Variants in C15orf62 observed in about 807,000 individuals in gnomAD.
C15orf62 encodes uncharacterized protein C15orf62, mitochondrial.
C15orf62 carries 11 observed loss-of-function variants against 13.2 expected under a neutral mutation model. That is an observed-to-expected ratio of 0.83 (90% CI 0.52 to 1.38). C15orf62 has a LOEUF of 1.38. C15orf62 is among the 40% of genes most tolerant of loss of function. The pLI, the probability that C15orf62 is intolerant of heterozygous loss-of-function variation, is 0.00. For synonymous variants in C15orf62, 88 were observed against 95.6 expected, an observed-to-expected ratio of 0.92 and a Z score of 0.46; for missense variants, 204 against 229.1, an observed-to-expected ratio of 0.89 and a Z score of 0.71.
Position 40,771,885 on chromosome 15 carries a change from A to C in C15orf62, c.*862A>C, listed in dbSNP as rs1889151755. On this transcript the variant is annotated 3_prime_UTR_variant, in exon 1 of 1. Coordinates refer to ENST00000344320, the MANE Select transcript of C15orf62 (RefSeq NM_001130448.3). Reference sequence around the variant, plus strand: ...CAGGAAAAAGACCAGGCAAATCCTTAGCAGAAATGAGGACGTGGCTCAGTC... The same window carrying C: ...CAGGAAAAAGACCAGGCAAATCCTTCGCAGAAATGAGGACGTGGCTCAGTC... 6.0e-6 allele frequency: 1 copy of C among 167,126 alleles called. No individual in the cohort carries two copies. The highest frequency in any genetic ancestry group is 1.5e-5 in the Non-Finnish European group (1 of 68,144). The allele number at this position is 167,126 out of a possible 1,614,324, so 10.4% of individuals were successfully genotyped here.
Position 40,770,361 on chromosome 15 carries a change from G to T in C15orf62, c.-135G>T. 1 of 836,284 alleles carries T rather than the reference G, an allele frequency of 1.2e-6. No individual in the cohort carries two copies. The highest frequency in any genetic ancestry group is 1.8e-6 in the Non-Finnish European group (1 of 550,196). 51.8% of individuals were successfully genotyped at this position (836,284 alleles called of 1,614,324 possible). A position where few individuals can be genotyped will look rare whatever the true frequency, so the allele number is the denominator to read the frequency against. On this transcript the variant is annotated 5_prime_UTR_variant, in exon 1 of 1. Coordinates refer to ENST00000344320, the MANE Select transcript of C15orf62 (RefSeq NM_001130448.3). The surrounding 1 kb of genome is among the most constrained non-coding windows in gnomAD (Gnocchi z 5.0). The stretch of plus-strand genomic sequence containing the variant: ...CTCACCATCCAAGATGTGGTCAAAG[G>T]TCTGTGCTGAGTGGAAACCCTGAGG...
chr15:40,770,641 GA>G lies in C15orf62; in HGVS notation c.147del (p.Glu50LysfsTer116). On this transcript the variant is annotated frameshift_variant, in exon 1 of 1. Coordinates refer to ENST00000344320, the MANE Select transcript of C15orf62 (RefSeq NM_001130448.3). LOFTEE classifies it high-confidence loss of function. The surrounding 1 kb of genome is among the most constrained non-coding windows in gnomAD (Gnocchi z 5.0). ...GGGGACCACGAGGAGTACAGCAACC[GA>G]GAAGTCATCCGGGAGCTACAAGGGA... is the stretch of plus-strand genomic sequence containing the variant. ...AGGDHEEYSN[R>X]EVIRELQGRP... 2.6e-6 allele frequency: 4 copies of G among 1,550,300 alleles called. No individual in the cohort carries two copies. Among genetic ancestry groups the G allele is most frequent in the Non-Finnish European group, 3.5e-6 (4 of 1,146,956 alleles).
In C15orf62 at chr15:40,772,309, C is replaced by G. The variant is rs1198770272; in HGVS notation, c.*1286C>G. On this transcript the variant is annotated 3_prime_UTR_variant, in exon 1 of 1. Coordinates refer to ENST00000344320, the MANE Select transcript of C15orf62 (RefSeq NM_001130448.3). ...CATGTGTTGGTGGCCCCCCGGGACT[C>G]GCTAAGAGTAGCAAAGGGGAGAGGG... 6.0e-6 allele frequency: 1 copy of G among 167,130 alleles called. No individual in the cohort carries two copies. The highest frequency in any genetic ancestry group is 1.9e-4 in the East Asian group (1 of 5,190). The allele number at this position is 167,130 out of a possible 1,614,324, so 10.4% of individuals were successfully genotyped here.
chr15:40,771,245 C>T lies in C15orf62; in HGVS notation c.*222C>T. ...CCCAGAGTGGAGGGACAGAGGCAATCTGGAAATGTTGGGGGGGCGGCCCTT... is the reference window on the plus strand; with the variant it reads ...CCCAGAGTGGAGGGACAGAGGCAATTTGGAAATGTTGGGGGGGCGGCCCTT... On this transcript the variant is annotated 3_prime_UTR_variant, in exon 1 of 1. Transcript: ENST00000344320. 1 of 577,254 alleles carries T rather than the reference C, an allele frequency of 1.7e-6. No individual in the cohort carries two copies. The allele number at this position is 577,254 out of a possible 1,614,324, so 35.8% of individuals were successfully genotyped here.
rs897147413 is a variant in C15orf62, at chr15:40,772,302, C to G, written c.*1279C>G. The G allele has an allele frequency of 6.0e-6, 1 of 167,146 alleles. No individual in the cohort carries two copies. The highest frequency in any genetic ancestry group is 2.4e-5 in the African/African-American group (1 of 41,458). 10.4% of individuals were successfully genotyped at this position (167,146 alleles called of 1,614,324 possible). ...GCTGGGCCATGTGTTGGTGGCCCCC[C>G]GGGACTCGCTAAGAGTAGCAAAGGG... On this transcript the variant is annotated 3_prime_UTR_variant, in exon 1 of 1. Transcript: ENST00000344320.
rs1596074228 is a variant in C15orf62, at chr15:40,772,449, A to G, written c.*1426A>G. 1 of 167,148 alleles carries G rather than the reference A, an allele frequency of 6.0e-6. No individual in the cohort carries two copies. The highest frequency in any genetic ancestry group is 6.5e-5 in the Admixed American group (1 of 15,290). The allele number at this position is 167,148 out of a possible 1,614,324, so 10.4% of individuals were successfully genotyped here. On this transcript the variant is annotated 3_prime_UTR_variant, in exon 1 of 1. Transcript: ENST00000344320. Reference sequence around the variant, plus strand: ...AGAGAATGAATAAAATTCTAACACAATCTATGGAGTGTTATCTGGGGCTGT... The same window carrying G: ...AGAGAATGAATAAAATTCTAACACAGTCTATGGAGTGTTATCTGGGGCTGT...
At position 40,771,412 on chromosome 15, in the gene C15orf62, G is replaced by A. The variant is rs1002555256; in HGVS notation, c.*389G>A. On this transcript the variant is annotated 3_prime_UTR_variant, in exon 1 of 1. Coordinates refer to ENST00000344320, the MANE Select transcript of C15orf62 (RefSeq NM_001130448.3). ...CACGGGGTCAGATCAGGGAGTGGGA[G>A]GACACAGACTGAGCAGAAGAGATGA... 1 of 260,792 alleles carries A rather than the reference G, an allele frequency of 3.8e-6. No individual in the cohort carries two copies. Among genetic ancestry groups the A allele is most frequent in the African/African-American group, 2.2e-5 (1 of 44,906 alleles). 16.2% of individuals were successfully genotyped at this position (260,792 alleles called of 1,614,324 possible).
In C15orf62 at chr15:40,770,506, G is replaced by A; in HGVS notation, c.11G>A (p.Trp4Ter). The A allele has an allele frequency of 6.5e-7, 1 of 1,549,548 alleles. No individual in the cohort carries two copies. Among genetic ancestry groups the A allele is most frequent in the Non-Finnish European group, 8.7e-7 (1 of 1,146,558 alleles). ...GCTCCCCTGGGCCCCATGGAGACCT[G>A]GCGGAAAGGCTCCTTCCGCAACGCC... is the stretch of plus-strand genomic sequence containing the variant. MET[W>*]RKGSFRNASF... Residue 4 changes from tryptophan to a stop codon, truncating the protein, a stop_gained, in exon 1 of 1, where the codon TGG becomes TAG. Transcript: ENST00000344320. LOFTEE classifies it high-confidence loss of function. The surrounding 1 kb of genome is among the most constrained non-coding windows in gnomAD (Gnocchi z 5.0).
At position 40,770,096 on chromosome 15, in the gene C15orf62, C is replaced by G; in HGVS notation, c.-400C>G. 1 of 203,106 alleles carries G rather than the reference C, an allele frequency of 4.9e-6. No homozygotes were observed. Among genetic ancestry groups the G allele is most frequent in the Non-Finnish European group, 1.0e-5 (1 of 99,538 alleles). The allele number at this position is 203,106 out of a possible 1,614,324, so 12.6% of individuals were successfully genotyped here. ...AGGGCGAGTGAGCTCGGGCCATCTGCTGCCTGCCTGTGGAAGGAGCGCTCG... is the reference window on the plus strand; with the variant it reads ...AGGGCGAGTGAGCTCGGGCCATCTGGTGCCTGCCTGTGGAAGGAGCGCTCG... On this transcript the variant is annotated 5_prime_UTR_variant, in exon 1 of 1. Transcript: ENST00000344320. The surrounding 1 kb of genome is among the most constrained non-coding windows in gnomAD (Gnocchi z 5.0).
chr15:40,771,145 T>C lies in C15orf62; in HGVS notation c.*122T>C. On this transcript the variant is annotated 3_prime_UTR_variant, in exon 1 of 1. Transcript: ENST00000344320. ...GGTTCAGGCAGGCAGAGCTTCTTCATCCTGGGGGAGGATTCCAGGATAGGA... is the reference window on the plus strand; with the variant it reads ...GGTTCAGGCAGGCAGAGCTTCTTCACCCTGGGGGAGGATTCCAGGATAGGA... 1.1e-6 allele frequency: 1 copy of C among 919,734 alleles called. No homozygotes were observed. The highest frequency in any genetic ancestry group is 1.6e-6 in the Non-Finnish European group (1 of 612,254). 57.0% of individuals were successfully genotyped at this position (919,734 alleles called of 1,614,324 possible). A position where few individuals can be genotyped will look rare whatever the true frequency, so the allele number is the denominator to read the frequency against.
chr15:40,771,178 G>A lies in C15orf62; in HGVS notation c.*155G>A. On this transcript the variant is annotated 3_prime_UTR_variant, in exon 1 of 1. Transcript: ENST00000344320. ...GAGGATTCCAGGATAGGAATCCAGG[G>A]CTCTGCCTGCTCTCTGGGTCCTGGA... 1 of 715,926 alleles carries A rather than the reference G, an allele frequency of 1.4e-6. No individual in the cohort carries two copies. Among genetic ancestry groups the A allele is most frequent in the Non-Finnish European group, 2.3e-6 (1 of 429,036 alleles). The allele number at this position is 715,926 out of a possible 1,614,324, so 44.3% of individuals were successfully genotyped here.
In C15orf62 at chr15:40,771,202, G is replaced by C. The variant is rs1889129958; in HGVS notation, c.*179G>C. 1 of 662,346 alleles carries C rather than the reference G, an allele frequency of 1.5e-6. No homozygotes were observed. Among genetic ancestry groups the C allele is most frequent in the African/African-American group, 1.8e-5 (1 of 54,668 alleles). 41.0% of individuals were successfully genotyped at this position (662,346 alleles called of 1,614,324 possible). On this transcript the variant is annotated 3_prime_UTR_variant, in exon 1 of 1. Transcript: ENST00000344320. Reference sequence around the variant, plus strand: ...GGCTCTGCCTGCTCTCTGGGTCCTGGACAGTCCTTCCAGGCACCCCAGAGT... The same window carrying C: ...GGCTCTGCCTGCTCTCTGGGTCCTGCACAGTCCTTCCAGGCACCCCAGAGT...
Position 40,770,350 on chromosome 15 carries a change from TGTG to T in C15orf62, c.-143_-141del. On this transcript the variant is annotated 5_prime_UTR_variant, in exon 1 of 1. Coordinates refer to ENST00000344320, the MANE Select transcript of C15orf62 (RefSeq NM_001130448.3). This position sits in a 1 kb window ranked among gnomAD's most constrained non-coding sequence, Gnocchi z 5.0. The stretch of plus-strand genomic sequence containing the variant: ...TGAGCCCTCCTCTCACCATCCAAGA[TGTG>T]GTCAAAGGTCTGTGCTGAGTGGAAA... The T allele has an allele frequency of 1.3e-6, 1 of 755,064 alleles. No individual in the cohort carries two copies. The highest frequency in any genetic ancestry group is 1.9e-5 in the South Asian group (1 of 52,142). 46.8% of individuals were successfully genotyped at this position (755,064 alleles called of 1,614,324 possible).
chr15:40,770,929 C>T lies in C15orf62; in HGVS notation c.434C>T (p.Pro145Leu). 2 of 1,551,502 alleles carry T rather than the reference C, an allele frequency of 1.3e-6. No homozygotes were observed. Among genetic ancestry groups the T allele is most frequent in the South Asian group, 2.4e-5 (2 of 84,064 alleles). ...ACACCTACCCCAGACCTCAGTGATC[C>T]CTTCCTCTCCTTCAAAGTGGACCTG... ...QRTPTPDLSDPFLSFKVDLGI... is the reference protein window; with the variant it reads ...QRTPTPDLSDLFLSFKVDLGI... The change falls in exon 1 of 1, where the codon CCC becomes CTC. Residue 145 changes from proline to leucine, a missense_variant. Physicochemically the swap from Pro to Leu is moderately conservative, Grantham distance 98. Coordinates refer to ENST00000344320, the MANE Select transcript of C15orf62 (RefSeq NM_001130448.3). The surrounding 1 kb of genome is among the most constrained non-coding windows in gnomAD (Gnocchi z 5.0).
Position 40,770,898 on chromosome 15 carries a change from C to T in C15orf62, c.403C>T (p.Gln135Ter), listed in dbSNP as rs1465115512. ...EKGLVDTPCF[Q>*]RTPTPDLSDP... ...GGGCCTTGTGGACACTCCCTGCTTC[C>T]AGAGGACACCTACCCCAGACCTCAG... Residue 135 changes from glutamine to a stop codon, truncating the protein, a stop_gained, in exon 1 of 1, where the codon CAG (glutamine) becomes TAG (stop). Coordinates refer to ENST00000344320, the MANE Select transcript of C15orf62 (RefSeq NM_001130448.3). LOFTEE classifies it high-confidence loss of function. The surrounding 1 kb of genome is among the most constrained non-coding windows in gnomAD (Gnocchi z 5.0). 1 of 1,551,556 alleles carries T rather than the reference C, an allele frequency of 6.4e-7. No individual in the cohort carries two copies.
Position 40,770,576 on chromosome 15 carries a change from G to A in C15orf62, c.81G>A (p.Arg27=), listed in dbSNP as rs551566498. 5.2e-6 allele frequency: 8 copies of A among 1,550,630 alleles called. No individual in the cohort carries two copies. In the South Asian group the frequency reaches 8.3e-5, roughly 16 times the overall value. The stretch of plus-strand genomic sequence containing the variant: ...GCCTGGGGCGGCCACGGCGGCTCCG[G>A]CGACAGAGTAGTGTGCTTAGCCAGG... The part of the protein sequence containing the change: ...QLSLGRPRRL[R]RQSSVLSQAS... The change falls in exon 1 of 1, where the codon CGG becomes CGA. Residue 27 remains arginine (R), a synonymous_variant. Transcript: ENST00000344320. This position sits in a 1 kb window ranked among gnomAD's most constrained non-coding sequence, Gnocchi z 5.0.
At position 40,770,975 on chromosome 15, in the gene C15orf62, A is replaced by C. The variant is rs375299630; in HGVS notation, c.480A>C (p.Glu160Asp). 6.4e-7 allele frequency: 1 copy of C among 1,551,246 alleles called. No individual in the cohort carries two copies. ...ACCTGGGGATTTCACTTCTTGAGGA[A>C]GTTCTGCAGATGCTAAGGGAGCAGT... ...KVDLGISLLE[E>D]VLQMLREQFP... Residue 160 changes from glutamate to aspartate, a missense_variant, in exon 1 of 1, where the codon GAA becomes GAC. Coordinates refer to ENST00000344320, the MANE Select transcript of C15orf62 (RefSeq NM_001130448.3). The surrounding 1 kb of genome is among the most constrained non-coding windows in gnomAD (Gnocchi z 5.0).
At position 40,770,798 on chromosome 15, in the gene C15orf62, C is replaced by A. The variant is rs1201504453; in HGVS notation, c.303C>A (p.Ala101=). 5.2e-6 allele frequency: 8 copies of A among 1,549,526 alleles called. No individual in the cohort carries two copies. The Middle Eastern group carries it at 5.0e-4, about 97-fold the overall frequency. Residue 101 remains alanine (A), a synonymous_variant, in exon 1 of 1, where the codon GCC becomes GCA. Transcript: ENST00000344320. The surrounding 1 kb of genome is among the most constrained non-coding windows in gnomAD (Gnocchi z 5.0). ...CCAACATCCTGGAGCCCCCACCTGC[C>A]TACACAGCAGCCTACTCTGCCACCC... The part of the protein sequence containing the change: ...SCPNILEPPP[A]YTAAYSATLP...
At position 40,772,075 on chromosome 15, in the gene C15orf62, G is replaced by C. The variant is rs1279353456; in HGVS notation, c.*1052G>C. On this transcript the variant is annotated 3_prime_UTR_variant, in exon 1 of 1. Coordinates refer to ENST00000344320, the MANE Select transcript of C15orf62 (RefSeq NM_001130448.3). ...TCCTTCCTCGAAGAGAGGAGAACTG[G>C]ATCCAGGGATGGGCATTCAACAGCG... is the stretch of plus-strand genomic sequence containing the variant. 6.0e-6 allele frequency: 1 copy of C among 167,072 alleles called. No homozygotes were observed. The highest frequency in any genetic ancestry group is 6.5e-5 in the Admixed American group (1 of 15,284). 10.3% of individuals were successfully genotyped at this position (167,072 alleles called of 1,614,324 possible).
Sources: gnomAD v4.1 joint callset for allele counts on GRCh38, gnomAD v4.1.1 for gene constraint, Gnocchi (gnomAD v3.1) non-coding constraint, MANE v1.5 for transcripts, NCBI Gene and HGNC (gene_info 2026-07-23, HGNC 2026-07-21) for gene names.